GARIN1B: variants seen among roughly 807,000 people sequenced by gnomAD.
The protein encoded by GARIN1B is Golgi-associated RAB2 interactor protein 1B.
At chr7:128,726,746 T>G in the GARIN1B span, 1 of 1,518,956 alleles carries the variant, frequency 6.6e-7, no homozygotes. Flanking sequence ...TCAGGAACTT[T>G]GGAACAAGAT....
chr7:128,718,927 G>A, the GARIN1B span: 4 of 1,614,162 alleles, frequency 2.5e-6, no homozygotes, highest in Non-Finnish European at 3.4e-6. Context: ...ATTACCTAAA[G>A]CTCCATCCTG....
the GARIN1B span, chr7:128,729,901 G>A: frequency 6.2e-7 from 1 of 1,612,726 alleles, no homozygotes; most frequent in African/African-American, 1.3e-5. Flanking sequence ...ACTTGATCTA[G>A]GGAAAGATTC....
the GARIN1B span, among the ~76,000 whole-genome samples, chr7:128,722,719 G>A: frequency 5.3e-5 from 8 of 151,962 alleles, no homozygotes; most frequent in South Asian, 2.1e-4. Flanking sequence ...CAGGAGAATC[G>A]TCTGAACCCA....
chr7:128,714,244 G>C, the GARIN1B span: 9 of 1,110,526 alleles, frequency 8.1e-6, no homozygotes, highest in Non-Finnish European at 9.2e-6. Context: ...GTCTATATGT[G>C]TTACATTTGA....
At chr7:128,716,957 T>G in the GARIN1B span, 5 of 1,613,598 alleles carry the variant, frequency 3.1e-6, no homozygotes, top group Non-Finnish European at 4.2e-6. Context: ...GAACCAGACA[T>G]GGAACAGACC....
At chr7:128,729,718 T>TGACA in the GARIN1B span, among the ~76,000 whole-genome samples, 2 of 152,186 alleles carry the variant, frequency 1.3e-5, no homozygotes, top group Non-Finnish European at 2.9e-5. Context: ...TCTCCTTGTG[T>TGACA]GACAGTTGGT....
At chr7:128,729,174 G>C in the GARIN1B span, among the ~76,000 whole-genome samples, 2 of 152,144 alleles carry the variant, frequency 1.3e-5, no homozygotes, top group African/African-American at 4.8e-5. Flanking sequence ...CATTCGGCGA[G>C]GGAGTGTAGT....
the GARIN1B span, among the ~76,000 whole-genome samples, chr7:128,728,955 C>T: frequency 2.6e-5 from 4 of 152,186 alleles, no homozygotes; most frequent in African/African-American, 7.2e-5. Flanking sequence ...TATGTATAAA[C>T]ATACACACTC....
the GARIN1B span, chr7:128,715,374 C>T: frequency 2.7e-5 from 43 of 1,573,618 alleles, no homozygotes; most frequent in Non-Finnish European, 3.4e-5. Flanking sequence ...TGGCCAGCTG[C>T]CCAAGGCCAG....
the GARIN1B span, among the ~76,000 whole-genome samples, chr7:128,725,431 G>A: frequency 6.6e-6 from 1 of 151,840 alleles, no homozygotes; most frequent in East Asian, 1.9e-4. Context: ...CTGGAGTGCA[G>A]TGGCATCTCA....
chr7:128,712,248 T>C, the GARIN1B span, among the ~76,000 whole-genome samples: 1 of 152,222 alleles, frequency 6.6e-6, no homozygotes. Flanking sequence ...CTAGCAATTT[T>C]GTATCATACT....
At chr7:128,729,401 T>C in the GARIN1B span, among the ~76,000 whole-genome samples, 1 of 152,208 alleles carries the variant, frequency 6.6e-6, no homozygotes, top group South Asian at 2.1e-4. Context: ...TTCTAATTTC[T>C]TGGGTCTAGC....
chr7:128,715,493 G>C, the GARIN1B span: 8 of 1,614,156 alleles, frequency 5.0e-6, no homozygotes, highest in South Asian at 8.8e-5. Flanking sequence ...AAAGAAGACA[G>C]TAAAAGTCAC....
chr7:128,730,185 G>C, the GARIN1B span: 1 of 1,208,266 alleles, frequency 8.3e-7, no homozygotes, highest in Non-Finnish European at 1.2e-6. Context: ...GGGTGTGGTC[G>C]AGGAATGCTG....
the GARIN1B span, chr7:128,718,804 A>G: frequency 6.2e-6 from 10 of 1,607,186 alleles, no homozygotes; most frequent in African/African-American, 1.1e-4. Context: ...TAGGGTTGTC[A>G]GTGTGTGTCT....
chr7:128,716,961 A>G, the GARIN1B span: 1 of 1,613,708 alleles, frequency 6.2e-7, no homozygotes, highest in South Asian at 1.1e-5. Context: ...CAGACATGGA[A>G]CAGACCATCC....
the GARIN1B span, among the ~76,000 whole-genome samples, chr7:128,729,727 G>A: frequency 4.6e-5 from 7 of 152,190 alleles, no homozygotes; most frequent in African/African-American, 1.7e-4. Flanking sequence ...GTGACAGTTG[G>A]TAAGTTACTC....
At chr7:128,723,151 A>T in the GARIN1B span, 7 of 1,499,444 alleles carry the variant, frequency 4.7e-6, no homozygotes, top group African/African-American at 8.4e-5. Context: ...AAATGTGAAG[A>T]CCCCAAGGCC....
At chr7:128,729,093 G>A in the GARIN1B span, among the ~76,000 whole-genome samples, 5 of 152,098 alleles carry the variant, frequency 3.3e-5, no homozygotes, top group Non-Finnish European at 5.9e-5. Flanking sequence ...GACCTACCAC[G>A]GCCAAGATGT....
Sources: gnomAD v4.1 joint callset for allele counts (sites outside exome capture counted in the v4.1 genomes callset) on GRCh38, gnomAD v4.1.1 for gene constraint, MANE v1.5 for transcripts, NCBI Gene and HGNC (gene_info 2026-07-23, HGNC 2026-07-21) for gene names.